SLC2A13: variants seen among roughly 807,000 people sequenced by gnomAD.
The protein encoded by SLC2A13 is proton myo-inositol cotransporter.
Under a neutral mutation model 64.4 loss-of-function variants are expected in SLC2A13, and 32 were observed. The ratio of observed to expected loss-of-function variants is 0.50; its 90% CI spans 0.37 to 0.67. The LOEUF is 0.67. Among genes scored for constraint, SLC2A13 ranks in the 30% least tolerant of loss-of-function variants. SLC2A13 has a pLI of 0.00. For missense variants in SLC2A13, 743 were observed against 829.2 expected (o/e 0.90, Z 1.28); for synonymous variants, 338 against 327.1 (o/e 1.03, Z -0.36).
At chr12:39,788,190 T>C (rs978646992) in intron 7 of SLC2A13, among the ~76,000 whole-genome samples, 4 of 152,172 alleles carry the variant, frequency 2.6e-5, no homozygotes, top group African/African-American at 4.8e-5. Flanking sequence ...ATAGATGCTG[T>C]GTCATTTTCC....
chr12:39,834,532 T>C (rs1320712358), intron 6 of SLC2A13, among the ~76,000 whole-genome samples: 2 of 152,106 alleles, frequency 1.3e-5, no homozygotes, highest in Non-Finnish European at 2.9e-5. Flanking sequence ...CGTAAAGCCT[T>C]TCTTTTATTA....
At chr12:39,892,480 G>A (rs1944639134) in intron 4 of SLC2A13, among the ~76,000 whole-genome samples, 1 of 152,168 alleles carries the variant, frequency 6.6e-6, no homozygotes, top group East Asian at 1.9e-4. Flanking sequence ...CTTGATCTGT[G>A]CAACTACTGA....
intron 3 of SLC2A13, among the ~76,000 whole-genome samples, chr12:39,990,438 G>A (rs1435123718): frequency 6.6e-6 from 1 of 152,162 alleles, no homozygotes; most frequent in Admixed American, 6.5e-5. Context: ...TCTCCTCTGA[G>A]TAAGAGTTCT....
chr12:39,811,332 C>A (rs2135805427), intron 7 of SLC2A13, among the ~76,000 whole-genome samples: 1 of 152,064 alleles, frequency 6.6e-6, no homozygotes, highest in African/African-American at 2.4e-5. Flanking sequence ...ACCATTATAT[C>A]TTTCCTTCTA....
chr12:39,990,955 C>A (rs558490417), intron 3 of SLC2A13, among the ~76,000 whole-genome samples: 1 of 152,170 alleles, frequency 6.6e-6, no homozygotes, highest in African/African-American at 2.4e-5. Context: ...CTCTCTCCCC[C>A]TGAAGTGTGT....
chr12:40,025,143 A>C (rs1174890228), intron 3 of SLC2A13, among the ~76,000 whole-genome samples: 2 of 152,262 alleles, frequency 1.3e-5, no homozygotes. Context: ...GATGTCATGC[A>C]AATGAGTCTG....
chr12:40,104,228 A>C (rs947938616), intron 1 of SLC2A13, among the ~76,000 whole-genome samples: 1 of 152,224 alleles, frequency 6.6e-6, no homozygotes. Flanking sequence ...CGAAACATTA[A>C]AAAAGCATCA....
intron 4 of SLC2A13, among the ~76,000 whole-genome samples, chr12:39,946,547 G>A (rs1946137320): frequency 6.6e-6 from 1 of 152,198 alleles, no homozygotes; most frequent in Non-Finnish European, 1.5e-5. Context: ...GGCTGCTGTG[G>A]GGGTTGAGGG....
chr12:40,105,164 G>C lies in SLC2A13; in HGVS notation c.556+89C>G. 1 of 1,422,494 alleles carries C rather than the reference G, an allele frequency of 7.0e-7. No individual in the cohort carries two copies. The highest frequency in any genetic ancestry group is 9.1e-7 in the Non-Finnish European group (1 of 1,094,538). The allele number at this position is 1,422,494 out of a possible 1,614,324, so 88.1% of individuals were successfully genotyped here. On this transcript the variant is annotated intron_variant, in intron 1 of 9. Transcript: ENST00000280871. The surrounding 1 kb of genome is among the most constrained non-coding windows in gnomAD (Gnocchi z 4.2). ...TCTCTGACCCTGGGAGACCAGACGG[G>C]GACCCCGATGGGCAAGAGGCACGCA...
At chr12:40,010,669 A>G (rs1044231917) in intron 3 of SLC2A13, among the ~76,000 whole-genome samples, 3 of 152,214 alleles carry the variant, frequency 2.0e-5, no homozygotes, top group Admixed American at 1.3e-4. Context: ...ATCTTTATTG[A>G]ATCTTTCCAA....
chr12:39,844,373 T>G (rs1177487742), intron 6 of SLC2A13, among the ~76,000 whole-genome samples: 1 of 152,042 alleles, frequency 6.6e-6, no homozygotes, highest in African/African-American at 2.4e-5. Flanking sequence ...TATTCTTTAA[T>G]TAGAATTGTA....
chr12:39,991,289 T>G (rs1204135457), intron 3 of SLC2A13, among the ~76,000 whole-genome samples: 1 of 152,156 alleles, frequency 6.6e-6, no homozygotes, highest in Non-Finnish European at 1.5e-5. Context: ...GCTTTTTCCT[T>G]CATCTCAAAT....
chr12:40,020,680 G>T (rs965614983), intron 3 of SLC2A13, among the ~76,000 whole-genome samples: 3 of 150,724 alleles, frequency 2.0e-5, no homozygotes, highest in African/African-American at 4.9e-5. Context: ...CCCCTTTGAG[G>T]TGGGAAAAAA....
chr12:40,099,107 C>T (rs11564123), intron 1 of SLC2A13, among the ~76,000 whole-genome samples: 1 of 152,202 alleles, frequency 6.6e-6, no homozygotes, highest in African/African-American at 2.4e-5. Flanking sequence ...ATGTAGTACT[C>T]TCAACTTGAG....
At chr12:40,101,483 C>CA (rs1244066205) in intron 1 of SLC2A13, among the ~76,000 whole-genome samples, 1 of 152,092 alleles carries the variant, frequency 6.6e-6, no homozygotes, top group African/African-American at 2.4e-5. Flanking sequence ...GCCATCTCAG[C>CA]AAATGATTGC....
In SLC2A13 at chr12:39,821,693, C is replaced by T. The variant is rs1942515230; in HGVS notation, c.1445+8410G>A. Among the ~76,000 whole-genome samples, 3 of 152,102 alleles carry T rather than the reference C, an allele frequency of 2.0e-5. No homozygotes were observed. In the South Asian group the frequency reaches 6.2e-4, roughly 32 times the overall value. ...GAGGGAAAAGAGGACGTGGCAAATC[C>T]TTGTTTAAAACTCCATGCCTTAAAG... is the stretch of plus-strand genomic sequence containing the variant. On this transcript the variant is annotated intron_variant, in intron 7 of 9. Transcript: ENST00000280871.
At chr12:39,876,632 T>A (rs956789846) in intron 4 of SLC2A13, among the ~76,000 whole-genome samples, 2 of 152,112 alleles carry the variant, frequency 1.3e-5, no homozygotes, top group Non-Finnish European at 2.9e-5. Context: ...CTTAGTGACA[T>A]AGACACTATG....
chr12:40,033,140 G>A (rs976243724), intron 2 of SLC2A13, among the ~76,000 whole-genome samples: 13 of 152,092 alleles, frequency 8.5e-5, no homozygotes, highest in African/African-American at 3.1e-4. Flanking sequence ...AAAGCAATGA[G>A]GCACAAAGAA....
At chr12:39,896,125 T>C (rs925255354) in intron 4 of SLC2A13, among the ~76,000 whole-genome samples, 2 of 149,496 alleles carry the variant, frequency 1.3e-5, no homozygotes, top group African/African-American at 2.4e-5. Flanking sequence ...TGCATACATA[T>C]ATGTATACAC....
Sources: gnomAD v4.1 joint callset for allele counts (sites outside exome capture counted in the v4.1 genomes callset) on GRCh38, gnomAD v4.1.1 for gene constraint, Gnocchi (gnomAD v3.1) non-coding constraint, MANE v1.5 for transcripts, NCBI Gene and HGNC (gene_info 2026-07-23, HGNC 2026-07-21) for gene names.